The following PLCB1 variants were observed in gnomAD, a reference collection of about 807,000 sequenced individuals.
The protein encoded by PLCB1 is phospholipase C beta 1.
Under a neutral mutation model 161.8 loss-of-function variants are expected in PLCB1, and 46 were observed. The ratio of observed to expected loss-of-function variants is 0.28; its 90% CI spans 0.22 to 0.36. The LOEUF (loss-of-function observed/expected upper bound fraction) is 0.36. Among genes scored for constraint, PLCB1 ranks in the 10% least tolerant of loss-of-function variants. The pLI is 1.00. For missense variants in PLCB1, 1,016 were observed against 1,472.5 expected, an observed-to-expected ratio of 0.69 and a Z score of 5.07; for synonymous variants, 517 against 503.7, an observed-to-expected ratio of 1.03 and a Z score of -0.35.
At chr20:8,466,525 T>C (rs1220458072) in intron 3 of PLCB1, among the ~76,000 whole-genome samples, 1 of 151,904 alleles carries the variant, frequency 6.6e-6, no homozygotes, top group Non-Finnish European at 1.5e-5. Context: ...GCTGGCATAG[T>C]GTGAGAAACA....
chr20:8,503,022 C>G (rs1983488147), intron 3 of PLCB1, among the ~76,000 whole-genome samples: 1 of 152,096 alleles, frequency 6.6e-6, no homozygotes, highest in Admixed American at 6.5e-5. Flanking sequence ...TTCCACTGAC[C>G]AGCTATGTGC....
intron 21 of PLCB1, 80 bp from the exon 22 acceptor site, chr20:8,740,264 T>G (rs551656718): frequency 1.4e-6 from 1 of 738,384 alleles, no homozygotes; most frequent in African/African-American, 1.8e-5. Context: ...AAATACATGC[T>G]TTCATCACAT....
intron 31 of PLCB1, among the ~76,000 whole-genome samples, chr20:8,790,700 AAT>A (rs1983713918): frequency 6.6e-6 from 1 of 152,174 alleles, no homozygotes; most frequent in Non-Finnish European, 1.5e-5. Flanking sequence ...TATCTAGCAA[AAT>A]AGTCTCATAA....
intron 20 of PLCB1, among the ~76,000 whole-genome samples, chr20:8,738,176 G>T (rs1004197345): frequency 3.3e-5 from 5 of 152,202 alleles, no homozygotes; most frequent in Admixed American, 3.3e-4. Context: ...TGTCCTGAAA[G>T]TTATTCTTGT....
intron 31 of PLCB1, among the ~76,000 whole-genome samples, chr20:8,872,005 A>G (rs1366129785): frequency 1.3e-5 from 2 of 152,214 alleles, no homozygotes; most frequent in Non-Finnish European, 2.9e-5. Flanking sequence ...GTCATATTTC[A>G]TAAAATGCAA....
chr20:8,145,296 G>A (rs2051442500), intron 1 of PLCB1, among the ~76,000 whole-genome samples: 1 of 152,016 alleles, frequency 6.6e-6, no homozygotes, highest in Non-Finnish European at 1.5e-5. Flanking sequence ...CTTCTTATAA[G>A]GACACCAGTC....
intron 3 of PLCB1, among the ~76,000 whole-genome samples, chr20:8,541,592 GAAAGAAAGAAAGA>G: frequency 7.4e-6 from 1 of 135,222 alleles, no homozygotes; most frequent in South Asian, 2.5e-4. Context: ...AAGAAAGAAA[GAAAGAAAGAAAGA>G]AAGGAAGGAA....
chr20:8,430,773 A>G (rs1263923796), intron 3 of PLCB1, among the ~76,000 whole-genome samples: 2 of 152,150 alleles, frequency 1.3e-5, no homozygotes, highest in East Asian at 3.9e-4. Context: ...TATAGGAAAC[A>G]TAACAAGACC....
intron 2 of PLCB1, among the ~76,000 whole-genome samples, chr20:8,304,649 T>G (rs1251259378): frequency 1.3e-5 from 2 of 151,944 alleles, no homozygotes; most frequent in Non-Finnish European, 2.9e-5. Flanking sequence ...TGTGTGTGTG[T>G]GTGGGTGTGT....
chr20:8,167,196 C>G (rs2123061504), intron 2 of PLCB1, among the ~76,000 whole-genome samples: 1 of 152,290 alleles, frequency 6.6e-6, no homozygotes, highest in South Asian at 2.1e-4. Flanking sequence ...ACCCCCAGGG[C>G]AGATGCTTGT....
At chr20:8,331,773 G>T (rs1985373628) in intron 2 of PLCB1, among the ~76,000 whole-genome samples, 1 of 152,230 alleles carries the variant, frequency 6.6e-6, no homozygotes, top group Non-Finnish European at 1.5e-5. Flanking sequence ...TAAACTAGAA[G>T]AGGTATATGG....
intron 27 of PLCB1, among the ~76,000 whole-genome samples, chr20:8,780,979 T>C (rs6039261): frequency 0.26 from 39,894 of 152,252 alleles, 5,574 homozygotes; most frequent in Non-Finnish European, 0.32. Context: ...ACTTCAAATA[T>C]AAACAAGTAT....
At chr20:8,676,649 G>A (rs114709273) in intron 9 of PLCB1, among the ~76,000 whole-genome samples, 158 of 151,518 alleles carry the variant, frequency 1.0e-3, no homozygotes, top group African/African-American at 3.3e-3. Context: ...GGATTACTCC[G>A]AAAGATACAA....
rs532510630 is a variant in PLCB1, at chr20:8,792,954, G to A, written c.3423+2693G>A. 2.0e-5 allele frequency among the ~76,000 whole-genome samples: 3 copies of A among 152,290 alleles called. No individual in the cohort carries two copies. The East Asian group carries it at 5.8e-4, about 29-fold the overall frequency. On this transcript the variant is annotated intron_variant, in intron 31 of 31. Coordinates refer to ENST00000338037, the MANE Select transcript of PLCB1 (RefSeq NM_015192.4). ...TAAATGGGTGGTGAGGAGAGGCCAG[G>A]CCAGCATAGCAGTCGCTGATGCTCC...
chr20:8,279,175 AG>A (rs1982751034), intron 2 of PLCB1, among the ~76,000 whole-genome samples: 2 of 152,210 alleles, frequency 1.3e-5, no homozygotes, highest in African/African-American at 4.8e-5. Flanking sequence ...AAGAATTGAA[AG>A]CAGGGACTCT....
At chr20:8,236,867 A>G (rs146809549) in intron 2 of PLCB1, among the ~76,000 whole-genome samples, 1,563 of 152,176 alleles carry the variant, frequency 0.01, 10 homozygotes, top group Middle Eastern at 0.037. Flanking sequence ...ACACAAATAG[A>G]TATGAGAAAG....
intron 2 of PLCB1, among the ~76,000 whole-genome samples, chr20:8,231,368 T>G: frequency 6.6e-6 from 1 of 152,184 alleles, no homozygotes; most frequent in East Asian, 1.9e-4. Context: ...CCTCCCCAGT[T>G]GTGACCATCA....
At chr20:8,829,468 G>A (rs1317440358) in intron 31 of PLCB1, among the ~76,000 whole-genome samples, 1 of 152,202 alleles carries the variant, frequency 6.6e-6, no homozygotes, top group African/African-American at 2.4e-5. Flanking sequence ...GGATTTCTGA[G>A]CCCGATCTTT....
chr20:8,699,494 AT>A (rs894496456), intron 11 of PLCB1, among the ~76,000 whole-genome samples: 2 of 151,818 alleles, frequency 1.3e-5, no homozygotes, highest in South Asian at 2.1e-4. Context: ...GGGAACTAGG[AT>A]TTTTTTTTAA....
Sources: allele counts gnomAD v4.1 joint callset (sites outside exome capture counted in the v4.1 genomes callset), GRCh38; gene constraint gnomAD v4.1.1; transcripts MANE v1.5; gene names NCBI Gene and HGNC (gene_info 2026-07-23, HGNC 2026-07-21).